PEF1: variants seen among roughly 807,000 people sequenced by gnomAD.
PEF1 encodes the protein peflin.
In PEF1, 17 loss-of-function variants were observed where a neutral mutation model predicts 32.0. The observed-to-expected ratio is 0.53, with a 90% CI of 0.36 to 0.80. The LOEUF is 0.80. Among genes scored for constraint, PEF1 ranks in the 30% least tolerant of loss-of-function variants. The pLI, the probability that PEF1 is intolerant of heterozygous loss-of-function variation, is 0.00. For synonymous variants in PEF1, 130 were observed against 139.8 expected (o/e 0.93, Z 0.50); for missense variants, 362 against 369.1 (o/e 0.98, Z 0.16).
rs139896724 is a variant in PEF1, at chr1:31,630,785, C to T, written c.683G>A (p.Arg228His). Residue 228 changes from arginine (R) to histidine (H), a missense_variant, in exon 5 of 5, where the codon CGC becomes CAC. Arg to His is a conservative substitution (Grantham distance 29). Coordinates refer to ENST00000373703, the MANE Select transcript of PEF1 (RefSeq NM_012392.4). ...SPQFTQLLVS[R>H]YCPRSANPAM... Reference sequence around the variant, plus strand: ...AGGATTGGCAGAGCGTGGGCAGTAGCGGGAGACCAGAAGCTGGGTGAACTG... The same window carrying T: ...AGGATTGGCAGAGCGTGGGCAGTAGTGGGAGACCAGAAGCTGGGTGAACTG... 7.6e-5 allele frequency: 123 copies of T among 1,613,630 alleles called. No homozygotes were observed. The African/African-American group carries it at 1.2e-3, about 16-fold the overall frequency.
At chr1:31,640,044 G>C (rs1413029361) in intron 1 of PEF1, among the ~76,000 whole-genome samples, 1 of 152,188 alleles carries the variant, frequency 6.6e-6, no homozygotes, top group African/African-American at 2.4e-5. Flanking sequence ...CTGATAAACA[G>C]GATTGTGAAG....
chr1:31,641,884 A>T (rs1462189924), intron 1 of PEF1, among the ~76,000 whole-genome samples: 1 of 152,170 alleles, frequency 6.6e-6, no homozygotes, highest in Non-Finnish European at 1.5e-5. Flanking sequence ...GGATTTTCTC[A>T]TTTAATCTTT....
chr1:31,630,960 C>A (rs1221901952), intron 4 of PEF1, 118 bp from the exon 5 acceptor site: 5 of 837,570 alleles, frequency 6.0e-6, no homozygotes, highest in Non-Finnish European at 9.6e-6. Flanking sequence ...CACAGAAGCA[C>A]AAAGAGGGTA....
chr1:31,635,534 G>T lies in PEF1; in HGVS notation c.25-12C>A. ...GCTCCTGGGCAGCCCTGCAGGAAGA[G>T]CAAGATATCAGTCAGAATGATGAGG... On this transcript the variant is annotated splice_polypyrimidine_tract_variant and intron_variant, in intron 1 of 4. Coordinates refer to ENST00000373703, the MANE Select transcript of PEF1 (RefSeq NM_012392.4). The T allele has an allele frequency of 6.6e-7, 1 of 1,507,848 alleles. No homozygotes were observed. The allele number at this position is 1,507,848 out of a possible 1,614,324, so 93.4% of individuals were successfully genotyped here. A position where few individuals can be genotyped will look rare whatever the true frequency, so the allele number is the denominator to read the frequency against.
intron 3 of PEF1, among the ~76,000 whole-genome samples, chr1:31,632,884 C>T (rs183892701): frequency 6.6e-6 from 1 of 152,338 alleles, no homozygotes; most frequent in Non-Finnish European, 1.5e-5. Context: ...TGGCACCTGA[C>T]CCCTCCCTGC....
At chr1:31,631,400 T>C (rs1640099994) in intron 4 of PEF1, among the ~76,000 whole-genome samples, 1 of 152,194 alleles carries the variant, frequency 6.6e-6, no homozygotes, top group Admixed American at 6.5e-5. Context: ...ACTTGGTAAA[T>C]GCTATTTTAA....
chr1:31,636,312 T>C (rs1640252539), intron 1 of PEF1, among the ~76,000 whole-genome samples: 1 of 151,926 alleles, frequency 6.6e-6, no homozygotes, highest in Non-Finnish European at 1.5e-5. Context: ...CATCTCTATT[T>C]AAAAAATACA....
In PEF1 at chr1:31,630,539, T is replaced by G; in HGVS notation, c.*74A>C. 1 of 1,347,866 alleles carries G rather than the reference T, an allele frequency of 7.4e-7. No individual in the cohort carries two copies. Among genetic ancestry groups the G allele is most frequent in the Non-Finnish European group, 1.0e-6 (1 of 953,654 alleles). The allele number at this position is 1,347,866 out of a possible 1,614,324, so 83.5% of individuals were successfully genotyped here. A position where few individuals can be genotyped will look rare whatever the true frequency, so the allele number is the denominator to read the frequency against. On this transcript the variant is annotated 3_prime_UTR_variant, in exon 5 of 5. Transcript: ENST00000373703. ...TCTAGAGGGACAGGAAAAGAAGAGATGTCCACATACTTCTCTCACTCTAAG... is the reference window on the plus strand; with the variant it reads ...TCTAGAGGGACAGGAAAAGAAGAGAGGTCCACATACTTCTCTCACTCTAAG...
intron 1 of PEF1, chr1:31,644,571 G>GC (rs982326184): frequency 1.9e-5 from 27 of 1,409,098 alleles, no homozygotes; most frequent in Non-Finnish European, 2.1e-5. Flanking sequence ...CCAGGCCAGC[G>GC]CCAGCCTGGA....
rs1043312412 is a variant in PEF1, at chr1:31,633,221, T to C, written c.419A>G (p.Lys140Arg). The change falls in exon 3 of 5, where the codon AAG becomes AGG. Residue 140 changes from lysine to arginine, a missense_variant. Transcript: ENST00000373703. Reference sequence around the variant, plus strand: ...CCAATTGCAGTTGACCAGGGCCTGCTTTAGCTCCTTCATGGAGATATAGCC... The same window carrying C: ...CCAATTGCAGTTGACCAGGGCCTGCCTTAGCTCCTTCATGGAGATATAGCC... The part of the protein sequence containing the change: ...HSGYISMKEL[K>R]QALVNCNWSS... 6.2e-6 allele frequency: 10 copies of C among 1,614,012 alleles called. No homozygotes were observed. The Admixed American group carries it at 1.3e-4, about 22-fold the overall frequency.
intron 1 of PEF1, among the ~76,000 whole-genome samples, chr1:31,641,571 A>G (rs1640391217): frequency 6.6e-6 from 1 of 152,144 alleles, no homozygotes; most frequent in Non-Finnish European, 1.5e-5. Flanking sequence ...AACTTCTTAA[A>G]GTTCCTCCAA....
At chr1:31,631,634 A>G (rs999136162) in intron 4 of PEF1, among the ~76,000 whole-genome samples, 2 of 152,234 alleles carry the variant, frequency 1.3e-5, no homozygotes, top group African/African-American at 4.8e-5. Context: ...TATAAATAGT[A>G]CCTAGCACAT....
intron 1 of PEF1, among the ~76,000 whole-genome samples, chr1:31,637,643 C>CAAA (rs11291039): frequency 1.5e-4 from 9 of 58,534 alleles, no homozygotes; most frequent in African/African-American, 6.5e-4. Flanking sequence ...ACCCTGTCTC[C>CAAA]AAAAAAAAAA....
At chr1:31,637,470 T>G (rs973004454) in intron 1 of PEF1, among the ~76,000 whole-genome samples, 70 of 152,042 alleles carry the variant, frequency 4.6e-4, no homozygotes, top group African/African-American at 1.6e-3. Context: ...CATAGTAAGA[T>G]CCCACCTCTA....
At position 31,633,314 on chromosome 1, in the gene PEF1, C is replaced by A. The variant is rs779582221; in HGVS notation, c.326G>T (p.Gly109Val). Reference sequence around the variant, plus strand: ...AGGATCCACATTGGGAGGGGCGCCACCTGGAGGAAGGGGTGTGAAGGCCAT... The same window carrying A: ...AGGATCCACATTGGGAGGGGCGCCAACTGGAGGAAGGGGTGTGAAGGCCAT... ...GAQQPGLYGQ[G>V]GAPPNVDPEA... The change falls in exon 3 of 5, where the codon GGT becomes GTT. Residue 109 changes from glycine to valine, a missense_variant and splice_region_variant. By Grantham distance (109) the Gly-to-Val change is moderately radical. Coordinates refer to ENST00000373703, the MANE Select transcript of PEF1 (RefSeq NM_012392.4). 3.9e-5 allele frequency: 62 copies of A among 1,610,174 alleles called. No homozygotes were observed. The highest frequency in any genetic ancestry group is 5.0e-5 in the Non-Finnish European group (59 of 1,177,808).
At chr1:31,642,359 A>T (rs546275748) in intron 1 of PEF1, among the ~76,000 whole-genome samples, 2 of 152,314 alleles carry the variant, frequency 1.3e-5, no homozygotes, top group African/African-American at 4.8e-5. Context: ...TGGCCTCAAA[A>T]ACTAAGCTCT....
intron 4 of PEF1, chr1:31,632,249 C>T (rs549360363): frequency 1.0e-5 from 7 of 672,922 alleles, no homozygotes; most frequent in African/African-American, 1.8e-5. Context: ...TGGCTGGGGC[C>T]GTCTCACCCA....
chr1:31,642,533 TA>T (rs1175046786), intron 1 of PEF1, among the ~76,000 whole-genome samples: 4 of 152,300 alleles, frequency 2.6e-5, no homozygotes, highest in Non-Finnish European at 4.4e-5. Flanking sequence ...CAAAGCTATG[TA>T]GTGGGTGGAG....
At chr1:31,635,638 G>C (rs1468446092) in intron 1 of PEF1, 116 bp from the exon 2 acceptor site, 1 of 1,086,290 alleles carries the variant, frequency 9.2e-7, no homozygotes, top group Non-Finnish European at 1.2e-6. Context: ...CCTATAGGTA[G>C]GGTTGGAATT....
Sources: allele counts gnomAD v4.1 joint callset (sites outside exome capture counted in the v4.1 genomes callset), GRCh38; gene constraint gnomAD v4.1.1; transcripts MANE v1.5; gene names NCBI Gene and HGNC (gene_info 2026-07-23, HGNC 2026-07-21).